The following CPEB4 variants were observed in gnomAD, a reference collection of about 807,000 sequenced individuals.
CPEB4 encodes the protein cytoplasmic polyadenylation element binding protein 4.
Under a neutral mutation model 72.5 loss-of-function variants are expected in CPEB4, and 12 were observed. The ratio of observed to expected loss-of-function variants is 0.17; its 90% CI spans 0.11 to 0.27. The LOEUF (loss-of-function observed/expected upper bound fraction) is 0.27, where lower values mean the gene tolerates loss of function less well. Ranked by LOEUF, CPEB4 falls within the 10% of genes least tolerant of loss-of-function variation. The probability of loss-of-function intolerance (pLI) is 1.00; values close to 1 mark genes in which losing one functional copy is unlikely to be tolerated. For synonymous variants in CPEB4, 302 were observed against 326.3 expected (o/e 0.93, Z 0.80); for missense variants, 614 against 908.5 (o/e 0.68, Z 4.17).
In CPEB4 at chr5:173,953,808, G is replaced by A. The variant is rs377394096; in HGVS notation, c.1962+536G>A. On this transcript the variant is annotated intron_variant, in intron 9 of 9. Transcript: ENST00000265085. ...TTGGTGTTTCATGTATTCAACAAAC[G>A]TTTTAGTGCTTAGGGCAAGAAGTTC... 8.6e-5 allele frequency among the ~76,000 whole-genome samples: 13 copies of A among 150,912 alleles called. No homozygotes were observed. The East Asian group carries it at 9.7e-4, about 11-fold the overall frequency.
intron 3 of CPEB4, among the ~76,000 whole-genome samples, chr5:173,933,682 T>G (rs1757521877): frequency 6.6e-6 from 1 of 152,194 alleles, no homozygotes; most frequent in Non-Finnish European, 1.5e-5. Context: ...ACCTTTTCCT[T>G]TGGAACTAGT....
Position 173,950,723 on chromosome 5 carries a change from C to T in CPEB4, c.1665+645C>T, listed in dbSNP as rs549256086. ...ACTCAAATCACAAATACTATGTGTA[C>T]GTCTTTCTAGCGTTTTCCTCACTTT... On this transcript the variant is annotated intron_variant, in intron 7 of 9. Coordinates refer to ENST00000265085, the MANE Select transcript of CPEB4 (RefSeq NM_030627.4). The surrounding 1 kb of genome is among the most constrained non-coding windows in gnomAD (Gnocchi z 5.0). Among the ~76,000 whole-genome samples the T allele has an allele frequency of 2.0e-5, 3 of 152,252 alleles. No individual in the cohort carries two copies. Among genetic ancestry groups the T allele is most frequent in the Admixed American group, 1.3e-4 (2 of 15,278 alleles).
chr5:173,936,974 T>C (rs924495422), intron 3 of CPEB4, among the ~76,000 whole-genome samples: 2 of 151,836 alleles, frequency 1.3e-5, no homozygotes, highest in East Asian at 3.9e-4. Context: ...GAGGAAGTGA[T>C]TAGTAAGAGA....
chr5:173,934,439 A>T (rs983164267), intron 3 of CPEB4, among the ~76,000 whole-genome samples: 6 of 152,120 alleles, frequency 3.9e-5, no homozygotes, highest in Non-Finnish European at 8.8e-5. Flanking sequence ...ATTGCCTCAA[A>T]CTGAAAGACA....
chr5:173,940,501 A>G (rs1383687946), intron 3 of CPEB4, among the ~76,000 whole-genome samples: 2 of 152,258 alleles, frequency 1.3e-5, no homozygotes, highest in African/African-American at 2.4e-5. Context: ...ATAATTTGAA[A>G]TAAGTGAGGA....
intron 2 of CPEB4, among the ~76,000 whole-genome samples, chr5:173,913,038 AAT>A (rs1346012590): frequency 1.3e-5 from 2 of 152,122 alleles, no homozygotes; most frequent in East Asian, 3.8e-4. Context: ...TACTACAGAT[AAT>A]AAGTAATTAG....
At chr5:173,892,560 G>T (rs1241040660) in intron 1 of CPEB4, among the ~76,000 whole-genome samples, 2 of 152,010 alleles carry the variant, frequency 1.3e-5, no homozygotes, top group East Asian at 1.9e-4. Context: ...TTAAGATTTG[G>T]CTCAGAACTA....
chr5:173,920,878 A>C (rs974909467), intron 2 of CPEB4, among the ~76,000 whole-genome samples: 5 of 152,224 alleles, frequency 3.3e-5, no homozygotes, highest in Admixed American at 6.5e-5. Flanking sequence ...CGGTTGAGTG[A>C]AGGCTTTGGG....
Position 173,889,989 on chromosome 5 carries a change from G to C in CPEB4, c.256G>C (p.Glu86Gln). The C allele has an allele frequency of 6.2e-7, 1 of 1,614,158 alleles. No individual in the cohort carries two copies. Among genetic ancestry groups the C allele is most frequent in the Non-Finnish European group, 8.5e-7 (1 of 1,180,026 alleles). ...GSEKAKSQQQ[E>Q]QQDPLEKQQL... is the part of the protein sequence containing the mutation. The stretch of plus-strand genomic sequence containing the variant: ...AGAAAAAGCAAAAAGTCAGCAACAG[G>C]AACAGCAAGACCCCTTAGAAAAGCA... The change falls in exon 1 of 10, where the codon GAA becomes CAA. Residue 86 changes from glutamate to glutamine, a missense_variant. By Grantham distance (29) the Glu-to-Gln change is conservative. Around this residue, in one of 5 missense-constraint regions of CPEB4, gnomAD observed 458 missense variants for 548.6 expected, o/e 0.83. Coordinates refer to ENST00000265085, the MANE Select transcript of CPEB4 (RefSeq NM_030627.4).
At chr5:173,898,416 G>C (rs1756102651) in intron 1 of CPEB4, among the ~76,000 whole-genome samples, 1 of 152,136 alleles carries the variant, frequency 6.6e-6, no homozygotes, top group African/African-American at 2.4e-5. Flanking sequence ...TCAGATCTGG[G>C]TTCCAGATAT....
chr5:173,906,080 T>G (rs866397772), intron 1 of CPEB4, among the ~76,000 whole-genome samples: 24 of 152,238 alleles, frequency 1.6e-4, no homozygotes, highest in Admixed American at 4.6e-4. Flanking sequence ...TATTTTACAG[T>G]TAATCTTTGG....
At chr5:173,939,811 A>T (rs1179891278) in intron 3 of CPEB4, among the ~76,000 whole-genome samples, 1 of 151,102 alleles carries the variant, frequency 6.6e-6, no homozygotes, top group Non-Finnish European at 1.5e-5. Context: ...ATTATTGAGG[A>T]CTTTATAAAT....
chr5:173,925,794 C>G (rs1296201557), intron 2 of CPEB4, among the ~76,000 whole-genome samples: 1 of 152,126 alleles, frequency 6.6e-6, no homozygotes, highest in Non-Finnish European at 1.5e-5. Context: ...GTGAGCTAAA[C>G]AAAATTAGCA....
intron 9 of CPEB4, among the ~76,000 whole-genome samples, chr5:173,954,956 A>G (rs1758332017): frequency 1.3e-5 from 2 of 151,870 alleles, no homozygotes; most frequent in Non-Finnish European, 2.9e-5. Flanking sequence ...TTTTTTTTAG[A>G]GGGAGGGTCT....
intron 1 of CPEB4, 124 bp from the exon 2 acceptor site, chr5:173,910,399 T>C (rs980547410): frequency 6.3e-6 from 4 of 639,206 alleles, no homozygotes; most frequent in Non-Finnish European, 1.1e-5. Context: ...TTAGTAATAA[T>C]GTGCCTTACA....
In CPEB4 at chr5:173,960,485, A is replaced by C. The variant is rs1447123954; in HGVS notation, c.*4348A>C. 6.6e-6 allele frequency: 1 copy of C among 152,278 alleles called. No homozygotes were observed. The highest frequency in any genetic ancestry group is 2.4e-5 in the African/African-American group (1 of 41,460). 9.4% of individuals were successfully genotyped at this position (152,278 alleles called of 1,614,324 possible). Reference sequence around the variant, plus strand: ...CCAGTGTGCATTCTTATGTAAGCCTATAAGCGTCGGTGGGTGGTTGTGTCT... The same window carrying C: ...CCAGTGTGCATTCTTATGTAAGCCTCTAAGCGTCGGTGGGTGGTTGTGTCT... On this transcript the variant is annotated 3_prime_UTR_variant, in exon 10 of 10. Coordinates refer to ENST00000265085, the MANE Select transcript of CPEB4 (RefSeq NM_030627.4).
chr5:173,892,574 A>T (rs1327866975), intron 1 of CPEB4, among the ~76,000 whole-genome samples: 1 of 152,216 alleles, frequency 6.6e-6, no homozygotes, highest in Non-Finnish European at 1.5e-5. Context: ...AGAACTAAAT[A>T]CACCTTTTTT....
In CPEB4 at chr5:173,943,050, G is replaced by A. The variant is rs753891353; in HGVS notation, c.1282+1G>A. ...GCAAGGACATATGGGCGAAGGAGAGGTAACATTGTTTTTAACTTTTAAATG... is the reference window on the plus strand; with the variant it reads ...GCAAGGACATATGGGCGAAGGAGAGATAACATTGTTTTTAACTTTTAAATG... On this transcript the variant is annotated splice_donor_variant, in intron 4 of 9. Coordinates refer to ENST00000265085, the MANE Select transcript of CPEB4 (RefSeq NM_030627.4). LOFTEE classifies it high-confidence loss of function. 1 of 1,611,136 alleles carries A rather than the reference G, an allele frequency of 6.2e-7. No homozygotes were observed. The highest frequency in any genetic ancestry group is 8.5e-7 in the Non-Finnish European group (1 of 1,178,780).
At chr5:173,902,328 AAT>A (rs1756266053) in intron 1 of CPEB4, among the ~76,000 whole-genome samples, 1 of 152,220 alleles carries the variant, frequency 6.6e-6, no homozygotes, top group South Asian at 2.1e-4. Flanking sequence ...TGATCACAGT[AAT>A]ATATGTTTTT....
Sources: allele counts gnomAD v4.1 joint callset (sites outside exome capture counted in the v4.1 genomes callset), GRCh38; gene constraint gnomAD v4.1.1; regional missense constraint gnomAD v4.1.1; non-coding constraint Gnocchi (gnomAD v3.1); transcripts MANE v1.5; gene names NCBI Gene and HGNC (gene_info 2026-07-23, HGNC 2026-07-21).